The following COX10 variants were observed in gnomAD, a reference collection of about 807,000 sequenced individuals.
COX10 encodes protoheme IX farnesyltransferase, mitochondrial.
COX10 carries 27 observed loss-of-function variants against 37.3 expected under a neutral mutation model. That is an observed-to-expected ratio of 0.72 (90% confidence interval 0.53 to 1.00). The LOEUF (loss-of-function observed/expected upper bound fraction) is 1.00, where lower values mean the gene tolerates loss of function less well. COX10 is among the 50% of genes least tolerant of loss of function. The pLI is 0.00. For missense variants in COX10, 475 were observed against 563.2 expected (o/e 0.84, Z 1.59); for synonymous variants, 222 against 229.1 (o/e 0.97, Z 0.28).
chr17:14,199,156 T>C (rs1906454815), intron 6 of COX10, among the ~76,000 whole-genome samples: 1 of 151,814 alleles, frequency 6.6e-6, no homozygotes, highest in Non-Finnish European at 1.5e-5. Context: ...GGCAAACTGG[T>C]ACTAAGGGCA....
chr17:14,171,027 G>A (rs1905450236), intron 5 of COX10, among the ~76,000 whole-genome samples: 1 of 152,128 alleles, frequency 6.6e-6, no homozygotes, highest in Non-Finnish European at 1.5e-5. Flanking sequence ...AGAAATTCAA[G>A]TTATTTTCAA....
chr17:14,108,433 A>G (rs1489706658), intron 4 of COX10, among the ~76,000 whole-genome samples: 1 of 152,186 alleles, frequency 6.6e-6, no homozygotes, highest in Non-Finnish European at 1.5e-5. Context: ...TTTACTTTGG[A>G]GAAAATTAGA....
intron 4 of COX10, among the ~76,000 whole-genome samples, chr17:14,140,929 C>G (rs566519959): frequency 7.9e-5 from 12 of 152,052 alleles, no homozygotes; most frequent in Admixed American, 2.0e-4. Flanking sequence ...GAAATGATGC[C>G]TCTAATACAT....
chr17:14,160,178 G>GAT (rs915395698), intron 5 of COX10, among the ~76,000 whole-genome samples: 71 of 151,998 alleles, frequency 4.7e-4, no homozygotes, highest in Admixed American at 2.0e-3. Flanking sequence ...TAACTTATGT[G>GAT]ATATATATAT....
Position 14,069,516 on chromosome 17 carries a change from G to A in COX10, c.-90G>A. On this transcript the variant is annotated 5_prime_UTR_variant, in exon 1 of 7. Coordinates refer to ENST00000261643, the MANE Select transcript of COX10 (RefSeq NM_001303.4). ...GTGGCGGCCCGGAACTACTCCCACA[G>A]GGGGGCGGGGAAGGAAGATGGCGGC... The A allele has an allele frequency of 1.3e-6, 2 of 1,510,928 alleles. No individual in the cohort carries two copies. Among genetic ancestry groups the A allele is most frequent in the South Asian group, 1.2e-5 (1 of 86,570 alleles). The allele number at this position is 1,510,928 out of a possible 1,614,324, so 93.6% of individuals were successfully genotyped here.
At chr17:14,137,216 A>G (rs1033359138) in intron 4 of COX10, among the ~76,000 whole-genome samples, 2 of 151,634 alleles carry the variant, frequency 1.3e-5, no homozygotes, top group Admixed American at 6.6e-5. Flanking sequence ...TTCCATTTCT[A>G]GAAGTTTTTT....
At chr17:14,090,200 G>T (rs1915495617) in intron 3 of COX10, among the ~76,000 whole-genome samples, 1 of 151,936 alleles carries the variant, frequency 6.6e-6, no homozygotes, top group African/African-American at 2.4e-5. Flanking sequence ...CTCTCAACCT[G>T]CAGGTCAGAC....
intron 3 of COX10, among the ~76,000 whole-genome samples, chr17:14,094,854 T>C (rs777221448): frequency 1.3e-5 from 2 of 152,230 alleles, no homozygotes; most frequent in African/African-American, 4.8e-5. Flanking sequence ...GCATTTGATA[T>C]AGTCAGAAAC....
At chr17:14,156,146 G>A (rs1324866340) in intron 4 of COX10, among the ~76,000 whole-genome samples, 2 of 152,132 alleles carry the variant, frequency 1.3e-5, no homozygotes, top group African/African-American at 4.8e-5. Context: ...TACATCACCT[G>A]ACAAGTGATA....
chr17:14,202,200 CT>C (rs1350871884), intron 6 of COX10, among the ~76,000 whole-genome samples: 3 of 149,156 alleles, frequency 2.0e-5, no homozygotes, highest in Admixed American at 6.7e-5. Context: ...ATGTCACAAA[CT>C]TTAGTCTGTG....
chr17:14,142,463 C>G (rs1723110548), intron 4 of COX10, among the ~76,000 whole-genome samples: 1 of 152,208 alleles, frequency 6.6e-6, no homozygotes, highest in South Asian at 2.1e-4. Context: ...AGTCACACAT[C>G]AACTACTGTT....
chr17:14,188,074 TGAA>T (rs1053235678), intron 5 of COX10, among the ~76,000 whole-genome samples: 6 of 151,076 alleles, frequency 4.0e-5, no homozygotes, highest in African/African-American at 1.5e-4. Flanking sequence ...CCACAGAACT[TGAA>T]GAAGGAGTAA....
Position 14,098,023 on chromosome 17 carries a change from A to G in COX10, c.500-4095A>G, listed in dbSNP as rs118177456. 1.3e-3 allele frequency among the ~76,000 whole-genome samples: 193 copies of G among 152,278 alleles called. 1 individual carries two copies. The highest frequency in any genetic ancestry group is 2.3e-3 in the Non-Finnish European group (157 of 68,016). ...AGATGTAACTATTTTCTTTCCACAT[A>G]TTTTTGATCCAAGGTTGATTGAATC... is the stretch of plus-strand genomic sequence containing the variant. On this transcript the variant is annotated intron_variant, in intron 3 of 6. Transcript: ENST00000261643.
chr17:14,108,166 A>G (rs1915937926), intron 4 of COX10, among the ~76,000 whole-genome samples: 1 of 152,160 alleles, frequency 6.6e-6, no homozygotes, highest in Non-Finnish European at 1.5e-5. Context: ...AAGACAGTAG[A>G]GTACAACTTT....
chr17:14,092,009 A>G (rs951732908), intron 3 of COX10, among the ~76,000 whole-genome samples: 2 of 152,178 alleles, frequency 1.3e-5, no homozygotes, highest in African/African-American at 4.8e-5. Flanking sequence ...GTTAATTAAA[A>G]AGGTTATAAA....
At chr17:14,158,791 A>G (rs933285571) in intron 4 of COX10, among the ~76,000 whole-genome samples, 1 of 151,694 alleles carries the variant, frequency 6.6e-6, no homozygotes, top group Admixed American at 6.6e-5. Context: ...ATCTCCGGGG[A>G]TGGTAAGGGA....
chr17:14,143,574 A>G (rs111771698), intron 4 of COX10, among the ~76,000 whole-genome samples: 100 of 152,268 alleles, frequency 6.6e-4, no homozygotes, highest in African/African-American at 2.2e-3. Context: ...CTTAGGTAAT[A>G]TAGTAGAAAG....
chr17:14,204,650 A>G (rs944491948), intron 6 of COX10, among the ~76,000 whole-genome samples: 2 of 151,938 alleles, frequency 1.3e-5, no homozygotes, highest in Non-Finnish European at 2.9e-5. Flanking sequence ...CCTCCAGTGT[A>G]TCCTTCACAA....
intron 5 of COX10, among the ~76,000 whole-genome samples, chr17:14,172,433 T>C (rs1410164822): frequency 6.6e-6 from 1 of 152,172 alleles, no homozygotes; most frequent in African/African-American, 2.4e-5. Flanking sequence ...TCGTTTTTTG[T>C]CTTTTTATAA....
Sources: gnomAD v4.1 joint callset for allele counts (sites outside exome capture counted in the v4.1 genomes callset) on GRCh38, gnomAD v4.1.1 for gene constraint, MANE v1.5 for transcripts, NCBI Gene and HGNC (gene_info 2026-07-23, HGNC 2026-07-21) for gene names.